MSRA: variants seen among roughly 807,000 people sequenced by gnomAD.
MSRA encodes methionine sulfoxide reductase A.
A neutral mutation model predicts 31.3 loss-of-function variants in MSRA; 54 were observed. The observed-to-expected ratio is 1.73, with a 90% CI of 1.39 to 2.17. The LOEUF (loss-of-function observed/expected upper bound fraction) is 2.17. MSRA is among the 30% of genes most tolerant of loss of function. The pLI is 0.00. For synonymous variants in MSRA, 169 were observed against 116.5 expected (o/e 1.45, Z -2.90); for missense variants, 507 against 300.9 (o/e 1.69, Z -5.07).
chr8:10,055,713 C>T (rs1018053691), intron 1 of MSRA, among the ~76,000 whole-genome samples: 2 of 152,330 alleles, frequency 1.3e-5, no homozygotes, highest in South Asian at 2.1e-4. Flanking sequence ...AAAAAATTTC[C>T]TTAGAAGTTT....
At chr8:10,420,455 C>G (rs1808739799) in intron 5 of MSRA, among the ~76,000 whole-genome samples, 1 of 152,142 alleles carries the variant, frequency 6.6e-6, no homozygotes, top group Non-Finnish European at 1.5e-5. Context: ...AACTTAATGA[C>G]ATAAAACAAC....
chr8:10,262,707 C>G (rs1798545466), intron 3 of MSRA, among the ~76,000 whole-genome samples: 1 of 152,146 alleles, frequency 6.6e-6, no homozygotes, highest in African/African-American at 2.4e-5. Context: ...TATTTGTGAA[C>G]TGTGTGGGTT....
intron 5 of MSRA, among the ~76,000 whole-genome samples, chr8:10,372,098 A>G (rs562984347): frequency 2.0e-5 from 3 of 152,332 alleles, no homozygotes; most frequent in South Asian, 4.1e-4. Flanking sequence ...CTGGGATGAT[A>G]GAGCAGTGTT....
chr8:10,085,261 C>G (rs1192988540), intron 1 of MSRA, among the ~76,000 whole-genome samples: 2 of 152,184 alleles, frequency 1.3e-5, no homozygotes, highest in Non-Finnish European at 2.9e-5. Context: ...AATACCCACC[C>G]TATTCCACGT....
intron 3 of MSRA, among the ~76,000 whole-genome samples, chr8:10,247,482 T>C (rs1307540860): frequency 6.6e-6 from 1 of 152,246 alleles, no homozygotes; most frequent in African/African-American, 2.4e-5. Context: ...TAGTGTGCTT[T>C]TAAATGATTA....
chr8:10,134,276 TACCACGTAAG>T (rs565058565), intron 1 of MSRA, among the ~76,000 whole-genome samples: 197 of 152,354 alleles, frequency 1.3e-3, no homozygotes, highest in African/African-American at 4.6e-3. Flanking sequence ...TGGTTGCTAT[TACCACGTAAG>T]ACAATGGGAA....
At chr8:10,316,440 G>C (rs1378295860) in intron 4 of MSRA, among the ~76,000 whole-genome samples, 1 of 151,564 alleles carries the variant, frequency 6.6e-6, no homozygotes, top group Non-Finnish European at 1.5e-5. Context: ...TATCCTCCAA[G>C]TATTTGCAGA....
chr8:10,150,594 A>G (rs1208532557), intron 1 of MSRA, among the ~76,000 whole-genome samples: 1 of 152,182 alleles, frequency 6.6e-6, no homozygotes, highest in Non-Finnish European at 1.5e-5. Context: ...ATCTACAGAA[A>G]CAAACAACAA....
intron 5 of MSRA, among the ~76,000 whole-genome samples, chr8:10,348,442 T>C (rs1446094960): frequency 7.7e-6 from 1 of 129,898 alleles, no homozygotes; most frequent in Non-Finnish European, 1.6e-5. Context: ...TGATCTCGGC[T>C]CACTGCAACC....
At chr8:10,092,961 G>A (rs1013681435) in intron 1 of MSRA, among the ~76,000 whole-genome samples, 8 of 152,078 alleles carry the variant, frequency 5.3e-5, no homozygotes, top group African/African-American at 1.4e-4. Context: ...AGTAGCAAGC[G>A]TTTTCTTAAA....
chr8:10,423,924 T>C (rs918415786), intron 5 of MSRA, among the ~76,000 whole-genome samples: 4 of 152,170 alleles, frequency 2.6e-5, no homozygotes, highest in Non-Finnish European at 5.9e-5. Context: ...CATTCATTCA[T>C]TCATTCATTA....
chr8:10,236,167 C>G (rs544239789), intron 2 of MSRA, among the ~76,000 whole-genome samples: 3 of 152,166 alleles, frequency 2.0e-5, no homozygotes, highest in East Asian at 1.9e-4. Context: ...CAGTAAATCT[C>G]ATATTTATTG....
At chr8:10,093,878 C>G (rs1344363551) in intron 1 of MSRA, among the ~76,000 whole-genome samples, 1 of 152,122 alleles carries the variant, frequency 6.6e-6, no homozygotes, top group Non-Finnish European at 1.5e-5. Flanking sequence ...GTTTTGCTGA[C>G]ATAGAATTCT....
chr8:10,357,494 T>G (rs934633177), intron 5 of MSRA, among the ~76,000 whole-genome samples: 8 of 152,202 alleles, frequency 5.3e-5, no homozygotes, highest in African/African-American at 1.9e-4. Context: ...ATTACTATCT[T>G]TATTGAAACT....
intron 5 of MSRA, among the ~76,000 whole-genome samples, chr8:10,372,880 T>C (rs1805555881): frequency 6.6e-6 from 1 of 152,274 alleles, no homozygotes; most frequent in Non-Finnish European, 1.5e-5. Context: ...CTTTGCTAAG[T>C]TGTTATTACT....
chr8:10,388,437 C>T (rs1192201778), intron 5 of MSRA, among the ~76,000 whole-genome samples: 1 of 152,236 alleles, frequency 6.6e-6, no homozygotes, highest in East Asian at 1.9e-4. Flanking sequence ...TTCAGAGCTT[C>T]TCCTGTGTCT....
At chr8:10,215,912 A>G (rs929955674) in intron 2 of MSRA, among the ~76,000 whole-genome samples, 7 of 152,340 alleles carry the variant, frequency 4.6e-5, no homozygotes, top group African/African-American at 1.2e-4. Context: ...TTAAATTTCT[A>G]CAGAGAAAAT....
At chr8:10,357,818 T>A (rs995597823) in intron 5 of MSRA, among the ~76,000 whole-genome samples, 1 of 152,254 alleles carries the variant, frequency 6.6e-6, no homozygotes, top group Non-Finnish European at 1.5e-5. Context: ...TGTTATCAAA[T>A]ACTGTGAGTT....
At chr8:10,108,371 T>C (rs554809018) in intron 1 of MSRA, among the ~76,000 whole-genome samples, 1 of 152,314 alleles carries the variant, frequency 6.6e-6, no homozygotes, top group African/African-American at 2.4e-5. Flanking sequence ...TAGTGGCTGA[T>C]GGGATGTGAA....
Sources: gnomAD v4.1 joint callset for allele counts (sites outside exome capture counted in the v4.1 genomes callset) on GRCh38, gnomAD v4.1.1 for gene constraint, MANE v1.5 for transcripts, NCBI Gene and HGNC (gene_info 2026-07-23, HGNC 2026-07-21) for gene names.